Variants in BANP observed in about 807,000 individuals in gnomAD.
The protein encoded by BANP is protein BANP.
Under a neutral mutation model 68.1 loss-of-function variants are expected in BANP, and 11 were observed. The observed-to-expected ratio is 0.16, with a 90% CI of 0.10 to 0.27. The LOEUF is 0.27. BANP is among the 10% of genes least tolerant of loss of function. The probability of loss-of-function intolerance (pLI) is 1.00; values close to 1 mark genes in which losing one functional copy is unlikely to be tolerated. For missense variants in BANP, 504 were observed against 722.7 expected (o/e 0.70, Z 3.47); for synonymous variants, 329 against 303.2 (o/e 1.09, Z -0.88).
chr16:87,959,625 C>T (rs76930178), intron 1 of BANP, among the ~76,000 whole-genome samples: 4,556 of 152,280 alleles, frequency 0.03, 106 homozygotes, highest in Middle Eastern at 0.068. Flanking sequence ...CTGCTGCAGC[C>T]CGTGTGGTTT....
intron 8 of BANP, among the ~76,000 whole-genome samples, chr16:88,030,117 T>C (rs547530527): frequency 4.6e-5 from 7 of 152,322 alleles, no homozygotes; most frequent in African/African-American, 1.4e-4. Flanking sequence ...AAAGATCACA[T>C]TGAACCACAA....
intron 8 of BANP, 124 bp from the exon 9 acceptor site, chr16:88,032,985 A>G: frequency 8.8e-7 from 1 of 1,136,376 alleles, no homozygotes; most frequent in Non-Finnish European, 1.2e-6. Flanking sequence ...GTCGAGGAAA[A>G]ATGAAGCATT....
At chr16:87,974,703 G>A (rs1436184940) in intron 1 of BANP, among the ~76,000 whole-genome samples, 5 of 152,140 alleles carry the variant, frequency 3.3e-5, no homozygotes, top group African/African-American at 1.2e-4. Context: ...AGCGTTTGCT[G>A]TAGTCAGTCA....
intron 4 of BANP, among the ~76,000 whole-genome samples, chr16:87,985,467 G>A (rs62054048): frequency 6.6e-6 from 1 of 152,140 alleles, no homozygotes; most frequent in African/African-American, 2.4e-5. Flanking sequence ...CCCAGGTCAG[G>A]TGTGCAAAGC....
At position 87,992,989 on chromosome 16, in the gene BANP, C is replaced by A. The variant is rs528001554; in HGVS notation, c.362+8730C>A. ...TCCCTGGGCTCCTCTGATCCATGAC[C>A]GTTTCTCACACTTCCTTGTTTTTGG... is the stretch of plus-strand genomic sequence containing the variant. On this transcript the variant is annotated intron_variant, in intron 4 of 13. Coordinates refer to ENST00000682872, the MANE Select transcript of BANP (RefSeq NM_001386991.1). 1.5e-4 allele frequency among the ~76,000 whole-genome samples: 23 copies of A among 152,282 alleles called. No homozygotes were observed. In the South Asian group the frequency reaches 4.6e-3, roughly 30 times the overall value.
At chr16:88,076,123 C>A (rs189166442) in intron 13 of BANP, among the ~76,000 whole-genome samples, 469 of 152,332 alleles carry the variant, frequency 3.1e-3, no homozygotes, top group African/African-American at 0.011. Context: ...TTGACCAGAA[C>A]CTGTATCTTT....
intron 6 of BANP, among the ~76,000 whole-genome samples, chr16:88,011,396 C>T (rs1247051329): frequency 1.3e-5 from 2 of 152,118 alleles, no homozygotes; most frequent in African/African-American, 4.8e-5. Flanking sequence ...AGAGCTCAGC[C>T]GCCGACTGGT....
chr16:88,015,886 G>A (rs2074429027), intron 6 of BANP, among the ~76,000 whole-genome samples: 1 of 152,254 alleles, frequency 6.6e-6, no homozygotes, highest in Non-Finnish European at 1.5e-5. Flanking sequence ...GCATCTGTGT[G>A]GGATCGAGGC....
intron 1 of BANP, among the ~76,000 whole-genome samples, chr16:87,971,718 T>C (rs1338315568): frequency 6.6e-6 from 1 of 152,112 alleles, no homozygotes; most frequent in Non-Finnish European, 1.5e-5. Context: ...TTTTAACGAG[T>C]AGTTTCAAGC....
chr16:88,032,581 TA>T (rs1478295336), intron 8 of BANP, among the ~76,000 whole-genome samples: 1 of 152,232 alleles, frequency 6.6e-6, no homozygotes. Context: ...CATTGAAAAT[TA>T]AAAAGTTTTT....
rs116470219 is a variant in BANP at position 88,055,081 on chromosome 16, G to A, written c.1312-10186G>A. 3.3e-3 allele frequency among the ~76,000 whole-genome samples: 506 copies of A among 151,804 alleles called. 4 individuals are homozygous for A. The highest frequency in any genetic ancestry group is 0.012 in the African/African-American group (484 of 41,392). On this transcript the variant is annotated intron_variant, in intron 11 of 13. Coordinates refer to ENST00000682872, the MANE Select transcript of BANP (RefSeq NM_001386991.1). ...ATGAAATTATTTAGTACTGTTTCTA[G>A]TACGTGTGTATTTTAATACTTTTTT...
chr16:88,048,449 C>T (rs1278170644), intron 11 of BANP, among the ~76,000 whole-genome samples: 1 of 151,090 alleles, frequency 6.6e-6, no homozygotes, highest in Non-Finnish European at 1.5e-5. Context: ...CGGCGCTCAC[C>T]GCAGATTTAA....
At chr16:88,068,909 G>C (rs1200464108) in intron 12 of BANP, among the ~76,000 whole-genome samples, 1 of 151,944 alleles carries the variant, frequency 6.6e-6, no homozygotes, top group South Asian at 2.1e-4. Flanking sequence ...CCTGTGGTCT[G>C]AGCCAGAGTC....
At chr16:87,972,226 T>C (rs552102370) in intron 1 of BANP, among the ~76,000 whole-genome samples, 11 of 152,330 alleles carry the variant, frequency 7.2e-5, no homozygotes, top group African/African-American at 2.6e-4. Context: ...ATTTTATTTT[T>C]CTTAAGGCAC....
chr16:87,998,780 G>C (rs376139532), intron 4 of BANP, among the ~76,000 whole-genome samples: 1 of 145,776 alleles, frequency 6.9e-6, no homozygotes, highest in African/African-American at 2.6e-5. Flanking sequence ...CTCCATGCAC[G>C]CACGTGCGCG....
At position 88,036,825 on chromosome 16, in the gene BANP, C is replaced by T. The variant is rs111892172; in HGVS notation, c.1273-1148C>T. Among the ~76,000 whole-genome samples, 72 of 152,186 alleles carry T rather than the reference C, an allele frequency of 4.7e-4. 1 individual carries two copies. The highest frequency in any genetic ancestry group is 1.7e-3 in the African/African-American group (69 of 41,516). On this transcript the variant is annotated intron_variant, in intron 10 of 13. Transcript: ENST00000682872. This position sits in a 1 kb window ranked among gnomAD's most constrained non-coding sequence, Gnocchi z 4.2. ...GTGTCCAGGAAGGAGCAGGGCCTTC[C>T]CTGTTCTGTGTCTGTGGGTGGGTCA...
At chr16:88,008,489 T>G (rs1457943087) in intron 6 of BANP, among the ~76,000 whole-genome samples, 1 of 152,172 alleles carries the variant, frequency 6.6e-6, no homozygotes, top group Non-Finnish European at 1.5e-5. Context: ...GGCCACCCCC[T>G]TCAGGCCTGA....
At chr16:87,950,313 T>A (rs2056691028), upstream of BANP, 1 of 152,348 alleles carries the variant, frequency 6.6e-6, no homozygotes. Context: ...TAATCCTAGA[T>A]TAGCAGAGGG....
intron 13 of BANP, among the ~76,000 whole-genome samples, chr16:88,075,068 G>T (rs959482215): frequency 6.6e-6 from 1 of 152,144 alleles, no homozygotes. Context: ...AGCTGGGGCC[G>T]GGCACGGTAG....
Sources: allele counts gnomAD v4.1 joint callset (sites outside exome capture counted in the v4.1 genomes callset), GRCh38; gene constraint gnomAD v4.1.1; non-coding constraint Gnocchi (gnomAD v3.1); transcripts MANE v1.5; gene names NCBI Gene and HGNC (gene_info 2026-07-23, HGNC 2026-07-21).